The following DCUN1D1 variants were observed in gnomAD, a reference collection of about 807,000 sequenced individuals.
DCUN1D1 encodes DCN1-like protein 1.
In DCUN1D1, 3 loss-of-function variants were observed where a neutral mutation model predicts 39.0. The ratio of observed to expected loss-of-function variants is 0.08; its 90% CI spans 0.04 to 0.20. The LOEUF (loss-of-function observed/expected upper bound fraction) is 0.20, where lower values mean the gene tolerates loss of function less well. Ranked by LOEUF, DCUN1D1 falls within the 10% of genes least tolerant of loss-of-function variation. The pLI is 1.00. For synonymous variants in DCUN1D1, 82 were observed against 96.3 expected, an observed-to-expected ratio of 0.85 and a Z score of 0.87; for missense variants, 158 against 302.4, an observed-to-expected ratio of 0.52 and a Z score of 3.54.
chr3:182,955,368 C>A (rs1577170508), intron 4 of DCUN1D1: 1 of 539,010 alleles, frequency 1.9e-6, no homozygotes, highest in Non-Finnish European at 3.7e-6. Flanking sequence ...CTCTGTTTTT[C>A]CTGGTTCTTT....
intron 1 of DCUN1D1, among the ~76,000 whole-genome samples, chr3:182,970,388 T>C (rs1042900921): frequency 2.0e-5 from 3 of 152,290 alleles, no homozygotes; most frequent in Admixed American, 1.3e-4. Context: ...AAAATAAACA[T>C]GGAAAATGAC....
upstream of DCUN1D1, among the ~76,000 whole-genome samples, chr3:182,983,622 G>A (rs1377479830): frequency 1.3e-5 from 2 of 152,022 alleles, no homozygotes; most frequent in Admixed American, 1.3e-4. Context: ...CAGGAGAATC[G>A]CTTGAACCCT....
rs1726321362 is a variant in DCUN1D1, at chr3:182,945,012, T to A, written c.*82A>T. 2.5e-6 allele frequency: 3 copies of A among 1,211,472 alleles called. No individual in the cohort carries two copies. Among genetic ancestry groups the A allele is most frequent in the Admixed American group, 1.8e-5 (1 of 55,348 alleles). 75.0% of individuals were successfully genotyped at this position (1,211,472 alleles called of 1,614,324 possible). ...TTGTGAGGATTGATCTTCAGTTCAG[T>A]CCAGCCAGCAGAAATTGACTGTGCA... On this transcript the variant is annotated 3_prime_UTR_variant, in exon 7 of 7. Transcript: ENST00000292782.
At chr3:182,975,441 A>G (rs1432421422) in intron 1 of DCUN1D1, among the ~76,000 whole-genome samples, 9 of 152,088 alleles carry the variant, frequency 5.9e-5, no homozygotes, top group South Asian at 2.1e-4. Flanking sequence ...CCCCCGAAGT[A>G]CTGGGATTAC....
chr3:182,963,821 C>A (rs1436794230), intron 3 of DCUN1D1, 60 bp downstream of exon 3: 2 of 1,384,356 alleles, frequency 1.4e-6, no homozygotes, highest in Non-Finnish European at 2.0e-6. Context: ...CTAAAAAGTT[C>A]ATGACATAAT....
At chr3:182,980,552 G>C, upstream of DCUN1D1, 1 of 1,206,264 alleles carries the variant, frequency 8.3e-7, no homozygotes, top group Non-Finnish European at 1.0e-6. Context: ...CGGCGGCGGC[G>C]GCGGCGGCTC....
upstream of DCUN1D1, chr3:182,980,617 G>A: frequency 9.6e-7 from 1 of 1,045,032 alleles, no homozygotes; most frequent in Non-Finnish European, 1.2e-6. Flanking sequence ...GGCCCGGCGC[G>A]GCCCGAGGAG....
rs565500539 is a variant in DCUN1D1, at chr3:182,970,019, G to A, written c.4-4266C>T. Among the ~76,000 whole-genome samples the A allele has an allele frequency of 1.7e-4, 26 of 152,220 alleles. 1 individual carries two copies. The highest frequency in any genetic ancestry group is 5.8e-4 in the African/African-American group (24 of 41,506). On this transcript the variant is annotated intron_variant, in intron 1 of 6. Transcript: ENST00000292782. The stretch of plus-strand genomic sequence containing the variant: ...CCTGTAATCCAGCACTTTGGGAGGC[G>A]GAGGCAGTGGGACTATTTGAGGCCA...
rs1726144999 is a variant in DCUN1D1 at position 182,941,806 on chromosome 3, C to T, written c.*3288G>A. On this transcript the variant is annotated 3_prime_UTR_variant, in exon 7 of 7. Transcript: ENST00000292782. ...GAACCATGGTGAATTTCCCCAGCAC[C>T]ACTTTTTTATTCCAAAACTCCTTCG... 6.6e-6 allele frequency: 1 copy of T among 152,056 alleles called. No homozygotes were observed. The highest frequency in any genetic ancestry group is 2.4e-5 in the African/African-American group (1 of 41,434). 9.4% of individuals were successfully genotyped at this position (152,056 alleles called of 1,614,324 possible).
rs144943811 is a variant in DCUN1D1, at chr3:182,955,004, T to C, written c.520+6222A>G. 1.4e-4 allele frequency among the ~76,000 whole-genome samples: 21 copies of C among 152,246 alleles called. No individual in the cohort carries two copies. The East Asian group carries it at 2.3e-3, about 17-fold the overall frequency. The stretch of plus-strand genomic sequence containing the variant: ...GGATTTCACAGTATCTTTTGTGAAA[T>C]AGTCAGAAGTTGGTCAGAATTTCAC... On this transcript the variant is annotated intron_variant, in intron 4 of 6. Coordinates refer to ENST00000292782, the MANE Select transcript of DCUN1D1 (RefSeq NM_020640.4).
At chr3:182,973,093 G>T (rs1313471032) in intron 1 of DCUN1D1, among the ~76,000 whole-genome samples, 1 of 152,080 alleles carries the variant, frequency 6.6e-6, no homozygotes, top group African/African-American at 2.4e-5. Context: ...TTATCCACAT[G>T]GGGGAGGGAG....
At chr3:182,946,604 C>A (rs890091980) in intron 6 of DCUN1D1, among the ~76,000 whole-genome samples, 1 of 144,442 alleles carries the variant, frequency 6.9e-6, no homozygotes, top group Non-Finnish European at 1.5e-5. Context: ...GAATTTACAA[C>A]CAAGCTTATA....
intron 1 of DCUN1D1, among the ~76,000 whole-genome samples, chr3:182,979,596 T>TTTC (rs1728415239): frequency 6.0e-5 from 1 of 16,636 alleles, no homozygotes; most frequent in African/African-American, 6.6e-4. Flanking sequence ...TGGAGAGGAC[T>TTTC]TTTTCCCCCC....
At chr3:182,961,178 T>C in intron 4 of DCUN1D1, 48 bp downstream of exon 4, 1 of 1,276,038 alleles carries the variant, frequency 7.8e-7, no homozygotes, top group South Asian at 1.4e-5. Flanking sequence ...ACTGTCAATG[T>C]ATTTGAATAT....
rs2108623563 is a variant in DCUN1D1, at chr3:182,947,534, G to C, written c.603+16C>G. 2 of 1,423,630 alleles carry C rather than the reference G, an allele frequency of 1.4e-6. No individual in the cohort carries two copies. Among genetic ancestry groups the C allele is most frequent in the East Asian group, 4.6e-5 (2 of 43,738 alleles). The allele number at this position is 1,423,630 out of a possible 1,614,324, so 88.2% of individuals were successfully genotyped here. On this transcript the variant is annotated intron_variant, in intron 5 of 6. Transcript: ENST00000292782. Reference sequence around the variant, plus strand: ...ATTTGAGAAAACAGAGAGAAATGTAGAAAATGTGAACTTACCAACAAAAAT... The same window carrying C: ...ATTTGAGAAAACAGAGAGAAATGTACAAAATGTGAACTTACCAACAAAAAT...
chr3:182,951,338 C>A (rs1221883813), intron 4 of DCUN1D1, among the ~76,000 whole-genome samples: 10 of 152,056 alleles, frequency 6.6e-5, no homozygotes, highest in South Asian at 6.2e-4. Context: ...TAAGTACTAA[C>A]CATGTGGCAC....
intron 4 of DCUN1D1, among the ~76,000 whole-genome samples, chr3:182,953,643 T>C (rs922151611): frequency 6.6e-6 from 1 of 152,216 alleles, no homozygotes; most frequent in African/African-American, 2.4e-5. Flanking sequence ...GTTCTTACTA[T>C]TATCATTATT....
intron 1 of DCUN1D1, among the ~76,000 whole-genome samples, chr3:182,977,027 T>A (rs780966646): frequency 6.6e-6 from 1 of 152,232 alleles, no homozygotes. Flanking sequence ...GGCATTAACA[T>A]CATTGATCAC....
Position 182,944,573 on chromosome 3 carries a change from TC to T in DCUN1D1, c.*520del, listed in dbSNP as rs1238789107. 1.3e-5 allele frequency: 2 copies of T among 152,224 alleles called. No homozygotes were observed. The highest frequency in any genetic ancestry group is 4.8e-5 in the African/African-American group (2 of 41,310). The allele number at this position is 152,224 out of a possible 1,614,324, so 9.4% of individuals were successfully genotyped here. On this transcript the variant is annotated 3_prime_UTR_variant, in exon 7 of 7. Coordinates refer to ENST00000292782, the MANE Select transcript of DCUN1D1 (RefSeq NM_020640.4). ...TGATTTGCCAGGAAAAAAAAAAAAT[TC>T]CCCCCAAACCAAAACACCATTCCAG... is the stretch of plus-strand genomic sequence containing the variant.
Sources: gnomAD v4.1 joint callset for allele counts (sites outside exome capture counted in the v4.1 genomes callset) on GRCh38, gnomAD v4.1.1 for gene constraint, MANE v1.5 for transcripts, NCBI Gene and HGNC (gene_info 2026-07-23, HGNC 2026-07-21) for gene names.